FRMPD4: variants seen among roughly 807,000 people sequenced by gnomAD.
FRMPD4 encodes FERM and PDZ domain-containing protein 4.
A neutral mutation model predicts 94.1 loss-of-function variants in FRMPD4; 22 were observed. That is an observed-to-expected ratio of 0.23 (90% CI 0.17 to 0.33). The LOEUF (loss-of-function observed/expected upper bound fraction) is 0.33. Among genes scored for constraint, FRMPD4 ranks in the 10% least tolerant of loss-of-function variants. The probability of loss-of-function intolerance (pLI) is 1.00; values close to 1 mark genes in which losing one functional copy is unlikely to be tolerated. For missense variants in FRMPD4, 1,111 were observed against 1,339.9 expected (o/e 0.83, Z 2.67); for synonymous variants, 631 against 548.6 (o/e 1.15, Z -2.10).
At chrX:12,348,614 A>T (rs2055752785) in intron 1 of FRMPD4, among the ~76,000 whole-genome samples, 1 of 106,641 alleles carries the variant, frequency 9.4e-6, no homozygotes, top group African/African-American at 3.5e-5. Context: ...AAAAAAGTGG[A>T]CCTTGACTAA....
chrX:12,533,243 G>A lies in FRMPD4; in HGVS notation c.158+34447G>A, dbSNP rs1230127924. On this transcript the variant is annotated intron_variant, in intron 2 of 16. Coordinates refer to ENST00000675598, the MANE Select transcript of FRMPD4 (RefSeq NM_001368397.1). ...CACAAGCTCTCTTGTCTGCCACCAC[G>A]TGAGACCTGCCTTTCAGCTTCCAGC... Among the ~76,000 whole-genome samples, 5 of 112,211 alleles carry A rather than the reference G, an allele frequency of 4.5e-5. No individual in the cohort carries two copies. In the Admixed American group the frequency reaches 4.7e-4, roughly 11 times the overall value.
At chrX:12,507,600 T>A (rs1002764891) in intron 2 of FRMPD4, among the ~76,000 whole-genome samples, 11 of 112,115 alleles carry the variant, frequency 9.8e-5, no homozygotes, top group South Asian at 7.5e-4. Flanking sequence ...ACATGTTTTA[T>A]GTTTGAAAGA....
intron 1 of FRMPD4, among the ~76,000 whole-genome samples, chrX:12,434,639 AGACCT>A (rs1181124537): frequency 8.9e-6 from 1 of 112,319 alleles, no homozygotes; most frequent in Non-Finnish European, 1.9e-5. Context: ...TGTTTAGCTC[AGACCT>A]GGCTTCTAAA....
At chrX:12,496,988 A>G (rs183447872) in intron 1 of FRMPD4, among the ~76,000 whole-genome samples, 1 of 111,789 alleles carries the variant, frequency 8.9e-6, no homozygotes, top group Admixed American at 9.5e-5. Context: ...ATAATGCTAT[A>G]TTTTACATGT....
intron 13 of FRMPD4, chrX:12,709,045 G>A (rs937565475): frequency 8.8e-6 from 1 of 113,739 alleles, no homozygotes; most frequent in Non-Finnish European, 1.9e-5. Flanking sequence ...GGGTGAACTG[G>A]ATGCAGTTAT....
intron 1 of FRMPD4, among the ~76,000 whole-genome samples, chrX:12,478,496 T>C (rs2057632234): frequency 8.9e-6 from 1 of 111,769 alleles, no homozygotes; most frequent in South Asian, 3.8e-4. Flanking sequence ...ATTGGGAGGA[T>C]CACTTGTGTC....
chrX:12,021,763 C>T (rs1170606788), intron 3 of FRMPD4, among the ~76,000 whole-genome samples: 6 of 111,644 alleles, frequency 5.4e-5, no homozygotes, highest in South Asian at 3.8e-4. Context: ...GAAGAAGTCC[C>T]GTTTTCACAT....
intron 1 of FRMPD4, among the ~76,000 whole-genome samples, chrX:12,496,204 A>C (rs1311985977): frequency 8.9e-6 from 1 of 112,210 alleles, no homozygotes; most frequent in Admixed American, 9.4e-5. Flanking sequence ...ATTACAATAA[A>C]ATTATACTAA....
intron 4 of FRMPD4, among the ~76,000 whole-genome samples, chrX:12,664,047 G>A (rs2059748246): frequency 1.8e-5 from 2 of 112,348 alleles, no homozygotes; most frequent in African/African-American, 6.5e-5. Context: ...TTTGCACATT[G>A]ATTTTGTTTC....
intron 3 of FRMPD4, among the ~76,000 whole-genome samples, chrX:11,882,274 T>C (rs867897692): frequency 9.1e-6 from 1 of 110,356 alleles, no homozygotes; most frequent in African/African-American, 3.3e-5. Flanking sequence ...AGGAGGACAT[T>C]TCAGCAAGTC....
In FRMPD4 at chrX:12,138,748, A is replaced by G. The variant is rs1156283087; in HGVS notation, c.-224A>G. 7 of 318,324 alleles carry G rather than the reference A, an allele frequency of 2.2e-5. No individual in the cohort carries two copies. The highest frequency in any genetic ancestry group is 5.7e-5 in the Admixed American group (1 of 17,641). 26.2% of individuals were successfully genotyped at this position (318,324 alleles called of 1,213,427 possible). On this transcript the variant is annotated 5_prime_UTR_variant, in exon 1 of 17. Coordinates refer to ENST00000675598, the MANE Select transcript of FRMPD4 (RefSeq NM_001368397.1). ...TTGAGTTTTCCTGCCTCGGGTGCCT[A>G]TCAATGGTCCTGCTCGGGGATGCAC...
At chrX:12,016,277 T>C (rs989824388) in intron 3 of FRMPD4, among the ~76,000 whole-genome samples, 3 of 111,721 alleles carry the variant, frequency 2.7e-5, no homozygotes, top group African/African-American at 6.5e-5. Context: ...AAATATGAGG[T>C]CTGTGGGCTA....
intron 1 of FRMPD4, among the ~76,000 whole-genome samples, chrX:12,244,133 AT>A (rs1249446605): frequency 1.9e-5 from 2 of 107,156 alleles, no homozygotes; most frequent in African/African-American, 6.8e-5. Context: ...TTTGTTTTTT[AT>A]TTTTTTTAAA....
At chrX:11,970,517 T>C (rs2054334486) in intron 3 of FRMPD4, among the ~76,000 whole-genome samples, 1 of 112,262 alleles carries the variant, frequency 8.9e-6, no homozygotes, top group Admixed American at 9.4e-5. Context: ...TGACTGACTA[T>C]GTTGGAAACA....
At chrX:11,970,720 T>A (rs961604962) in intron 3 of FRMPD4, among the ~76,000 whole-genome samples, 2 of 111,531 alleles carry the variant, frequency 1.8e-5, no homozygotes, top group Non-Finnish European at 1.9e-5. Flanking sequence ...CCCCGAAAAG[T>A]TTTCGTGATT....
intron 3 of FRMPD4, among the ~76,000 whole-genome samples, chrX:12,111,301 C>T (rs1169281934): frequency 9.0e-6 from 1 of 111,408 alleles, no homozygotes; most frequent in Non-Finnish European, 1.9e-5. Flanking sequence ...ACAAACCTGA[C>T]AAAAACAGGA....
At chrX:12,705,366 T>C (rs979606323) in intron 11 of FRMPD4, among the ~76,000 whole-genome samples, 3 of 112,231 alleles carry the variant, frequency 2.7e-5, no homozygotes, top group Non-Finnish European at 3.8e-5. Context: ...AGCAGTCTTA[T>C]AACTGAAGAA....
At chrX:12,208,309 A>C (rs1276395864) in intron 1 of FRMPD4, among the ~76,000 whole-genome samples, 1 of 109,683 alleles carries the variant, frequency 9.1e-6, no homozygotes, top group Non-Finnish European at 1.9e-5. Context: ...TAAAAAAGGA[A>C]AAAAAAAAGT....
At chrX:12,609,011 A>T (rs770478254) in intron 2 of FRMPD4, among the ~76,000 whole-genome samples, 1 of 112,747 alleles carries the variant, frequency 8.9e-6, no homozygotes, top group Non-Finnish European at 1.9e-5. Context: ...ATAACATAAC[A>T]GTTGATTAAC....
Sources: gnomAD v4.1 joint callset for allele counts (sites outside exome capture counted in the v4.1 genomes callset) on GRCh38, gnomAD v4.1.1 for gene constraint, MANE v1.5 for transcripts, NCBI Gene and HGNC (gene_info 2026-07-23, HGNC 2026-07-21) for gene names.